Variants in IMMP2L observed in about 807,000 individuals in gnomAD.
IMMP2L encodes the protein inner mitochondrial membrane peptidase subunit 2, also known as mitochondrial inner membrane protease subunit 2.
A neutral mutation model predicts 19.3 loss-of-function variants in IMMP2L; 18 were observed. The ratio of observed to expected loss-of-function variants is 0.93; its 90% confidence interval spans 0.64 to 1.38. IMMP2L has a LOEUF of 1.38. Ranked by LOEUF, IMMP2L falls within the 40% of genes most tolerant of loss-of-function variation. The pLI is 0.00. For missense variants in IMMP2L, 233 were observed against 218.2 expected (o/e 1.07, Z -0.43); for synonymous variants, 76 against 73.0 (o/e 1.04, Z -0.21).
At chr7:110,893,456 C>T (rs969567961) in intron 4 of IMMP2L, among the ~76,000 whole-genome samples, 6 of 152,090 alleles carry the variant, frequency 3.9e-5, no homozygotes, top group African/African-American at 1.4e-4. Context: ...TTGTTCAAAC[C>T]AAAGTAGTTT....
chr7:110,702,372 A>C (rs561691600), intron 5 of IMMP2L, among the ~76,000 whole-genome samples: 1 of 152,308 alleles, frequency 6.6e-6, no homozygotes, highest in African/African-American at 2.4e-5. Flanking sequence ...TTTTTGAATA[A>C]GTGGTTACTT....
intron 5 of IMMP2L, among the ~76,000 whole-genome samples, chr7:110,816,316 C>T (rs1802511518): frequency 6.6e-6 from 1 of 152,074 alleles, no homozygotes; most frequent in Non-Finnish European, 1.5e-5. Flanking sequence ...TTTGATTGCA[C>T]TGTGGTCTGA....
intron 3 of IMMP2L, among the ~76,000 whole-genome samples, chr7:111,082,667 G>A (rs1795981820): frequency 6.6e-6 from 1 of 152,106 alleles, no homozygotes; most frequent in South Asian, 2.1e-4. Context: ...CTCTCAGTGA[G>A]CATTATACAG....
intron 3 of IMMP2L, among the ~76,000 whole-genome samples, chr7:111,216,808 A>G (rs1221139545): frequency 6.6e-6 from 1 of 152,150 alleles, no homozygotes; most frequent in Non-Finnish European, 1.5e-5. Context: ...CATTTAAGGC[A>G]ATAAGCCCTT....
Position 110,958,058 on chromosome 7 carries a change from CACG to C in IMMP2L, c.305+5439_305+5441del, listed in dbSNP as rs199929280. 9.3e-3 allele frequency among the ~76,000 whole-genome samples: 1,410 copies of C among 152,122 alleles called. 13 individuals are homozygous for C. Among genetic ancestry groups the C allele is most frequent in the Non-Finnish European group, 0.016 (1,093 of 67,954 alleles). ...TTTAAATGAATGGCACTAAGGTCTA[CACG>C]GTCAGTGAACTGATTAAATGATATT... On this transcript the variant is annotated intron_variant, in intron 4 of 5. Coordinates refer to ENST00000405709, the MANE Select transcript of IMMP2L (RefSeq NM_032549.4).
At chr7:111,501,407 T>A (rs924262443) in intron 2 of IMMP2L, among the ~76,000 whole-genome samples, 1 of 152,142 alleles carries the variant, frequency 6.6e-6, no homozygotes, top group Non-Finnish European at 1.5e-5. Context: ...CTGCAGGATA[T>A]TATCCAGGAG....
intron 3 of IMMP2L, among the ~76,000 whole-genome samples, chr7:111,428,973 G>A (rs893875608): frequency 2.6e-5 from 4 of 151,866 alleles, no homozygotes; most frequent in Non-Finnish European, 4.4e-5. Context: ...CAGATAAAAC[G>A]CGAATGAAGG....
Position 110,885,880 on chromosome 7 carries a change from CT to C in IMMP2L, c.408+712del, listed in dbSNP as rs148359002. On this transcript the variant is annotated intron_variant, in intron 5 of 5. Coordinates refer to ENST00000405709, the MANE Select transcript of IMMP2L (RefSeq NM_032549.4). ...CATGGCAGGGGGCGCAGAGGGGCTT[CT>C]GTACAAACACACCTTGTTAAAATGT... 3.8e-3 allele frequency among the ~76,000 whole-genome samples: 577 copies of C among 152,120 alleles called. 3 individuals are homozygous for C. Among genetic ancestry groups the C allele is most frequent in the African/African-American group, 0.014 (561 of 41,538 alleles).
intron 3 of IMMP2L, among the ~76,000 whole-genome samples, chr7:111,108,262 C>G (rs377407008): frequency 1.3e-5 from 2 of 152,156 alleles, no homozygotes; most frequent in African/African-American, 2.4e-5. Flanking sequence ...GTACTTAACA[C>G]TCAATTATAT....
Position 110,988,184 on chromosome 7 carries a change from T to C in IMMP2L, c.240-24619A>G, listed in dbSNP as rs554406140. On this transcript the variant is annotated intron_variant, in intron 3 of 5. Transcript: ENST00000405709. ...ACAATAGCTCAAATCCAATCAAAGT[T>C]CACTTATAGCTCAAATAACAGTCCA... Among the ~76,000 whole-genome samples, 4 of 152,300 alleles carry C rather than the reference T, an allele frequency of 2.6e-5. No individual in the cohort carries two copies. In the South Asian group the frequency reaches 8.3e-4, roughly 32 times the overall value.
intron 3 of IMMP2L, among the ~76,000 whole-genome samples, chr7:110,999,510 C>CCAT (rs1823416958): frequency 6.6e-6 from 1 of 150,750 alleles, no homozygotes; most frequent in African/African-American, 2.4e-5. Flanking sequence ...TCTAGTAGTA[C>CCAT]TCTCTAGCTC....
At chr7:111,294,154 T>C (rs1354965517) in intron 3 of IMMP2L, among the ~76,000 whole-genome samples, 1 of 151,874 alleles carries the variant, frequency 6.6e-6, no homozygotes, top group Non-Finnish European at 1.5e-5. Context: ...AAACTTAAAG[T>C]TTGGGTTATT....
chr7:111,404,140 G>C (rs1833710395), intron 3 of IMMP2L, among the ~76,000 whole-genome samples: 1 of 152,190 alleles, frequency 6.6e-6, no homozygotes, highest in African/African-American at 2.4e-5. Context: ...ATTCATGCTA[G>C]TCAATCCATT....
At chr7:111,243,114 G>C (rs1562963399) in intron 3 of IMMP2L, among the ~76,000 whole-genome samples, 2 of 152,082 alleles carry the variant, frequency 1.3e-5, no homozygotes, top group Non-Finnish European at 2.9e-5. Flanking sequence ...GCCAACTAAA[G>C]AGTAGTTGTT....
intron 3 of IMMP2L, among the ~76,000 whole-genome samples, chr7:111,228,592 G>A (rs575226924): frequency 2.6e-5 from 4 of 152,094 alleles, no homozygotes; most frequent in South Asian, 2.1e-4. Flanking sequence ...CAAGAAGACT[G>A]GGGAACTAGT....
At chr7:111,409,496 C>T (rs1436846976) in intron 3 of IMMP2L, among the ~76,000 whole-genome samples, 1 of 151,760 alleles carries the variant, frequency 6.6e-6, no homozygotes, top group Non-Finnish European at 1.5e-5. Context: ...ACATGTACAT[C>T]ACCAACTTGC....
chr7:110,837,287 G>C (rs757070922), intron 5 of IMMP2L, among the ~76,000 whole-genome samples: 18 of 151,772 alleles, frequency 1.2e-4, no homozygotes, highest in Non-Finnish European at 1.9e-4. Flanking sequence ...TAGGAGAGAA[G>C]AAAGGGAGGG....
rs920007526 is a variant in IMMP2L at position 110,757,048 on chromosome 7, C to T, written c.409-93327G>A. On this transcript the variant is annotated intron_variant, in intron 5 of 5. Coordinates refer to ENST00000405709, the MANE Select transcript of IMMP2L (RefSeq NM_032549.4). This position sits in a 1 kb window ranked among gnomAD's most constrained non-coding sequence, Gnocchi z 4.2. Reference sequence around the variant, plus strand: ...GTATGTAATGAAAGATACTGAAATTCCTGCCCTGGGGAGCTTAAATTCAAG... The same window carrying T: ...GTATGTAATGAAAGATACTGAAATTTCTGCCCTGGGGAGCTTAAATTCAAG... Among the ~76,000 whole-genome samples, 11 of 152,056 alleles carry T rather than the reference C, an allele frequency of 7.2e-5. No individual in the cohort carries two copies. Among genetic ancestry groups the T allele is most frequent in the African/African-American group, 2.7e-4 (11 of 41,428 alleles).
intron 3 of IMMP2L, among the ~76,000 whole-genome samples, chr7:111,419,620 C>T (rs897851908): frequency 6.6e-6 from 1 of 151,704 alleles, no homozygotes; most frequent in African/African-American, 2.4e-5. Flanking sequence ...AGTTGTCCTG[C>T]CTTTCTGGAC....
Sources: gnomAD v4.1 joint callset for allele counts (sites outside exome capture counted in the v4.1 genomes callset) on GRCh38, gnomAD v4.1.1 for gene constraint, Gnocchi (gnomAD v3.1) non-coding constraint, MANE v1.5 for transcripts, NCBI Gene and HGNC (gene_info 2026-07-23, HGNC 2026-07-21) for gene names.